The following HERC6 variants were observed in gnomAD, a reference collection of about 807,000 sequenced individuals.
HERC6 encodes the protein HECT and RLD domain containing E3 ubiquitin protein ligase family member 6.
In HERC6, 101 loss-of-function variants were observed where a neutral mutation model predicts 114.5. That is an observed-to-expected ratio of 0.88 (90% CI 0.75 to 1.04). The LOEUF is 1.04. HERC6 is among the 50% of genes least tolerant of loss of function. HERC6 has a pLI of 0.00. For synonymous variants in HERC6, 408 were observed against 436.2 expected, an observed-to-expected ratio of 0.94 and a Z score of 0.81; for missense variants, 1,133 against 1,230.9, an observed-to-expected ratio of 0.92 and a Z score of 1.19.
Position 88,390,653 on chromosome 4 carries a change from T to C in HERC6, c.438T>C (p.Asp146=). Residue 146 remains aspartate, a splice_region_variant and synonymous_variant, in exon 4 of 23, where the codon GAT becomes GAC. Coordinates refer to ENST00000264346, the MANE Select transcript of HERC6 (RefSeq NM_017912.4). ...GHYHSLALSK[D]SQVFSWGKNS... is the part of the protein sequence containing the mutation. ...CTTAATTTCTCGTCTTTGTTGTAGA[T>C]AGCCAAGTGTTTTCGTGGGGAAAGA... The C allele has an allele frequency of 1.3e-6, 2 of 1,597,238 alleles. No homozygotes were observed. The highest frequency in any genetic ancestry group is 1.7e-6 in the Non-Finnish European group (2 of 1,167,548).
At chr4:88,422,448 T>C (rs1389782059) in intron 13 of HERC6, among the ~76,000 whole-genome samples, 1 of 152,204 alleles carries the variant, frequency 6.6e-6, no homozygotes, top group Non-Finnish European at 1.5e-5. Flanking sequence ...TTAAGGAAAC[T>C]TCATTCTATT....
At chr4:88,385,423 C>A (rs1734521656) in intron 2 of HERC6, 76 bp from the exon 3 acceptor site, 2 of 705,106 alleles carry the variant, frequency 2.8e-6, no homozygotes, top group Non-Finnish European at 4.8e-6. Context: ...ATTTGAGATA[C>A]TTTTAAATAT....
intron 20 of HERC6, 144 bp downstream of exon 20, chr4:88,437,925 G>A: frequency 1.6e-6 from 1 of 623,662 alleles, no homozygotes; most frequent in Non-Finnish European, 2.8e-6. Flanking sequence ...GATCACTTGA[G>A]GTCAGGAGTT....
chr4:88,397,004 T>C lies in HERC6; in HGVS notation c.1024+17T>C. The stretch of plus-strand genomic sequence containing the variant: ...CTGCTGAAGGTGTGAATCCCACTAA[T>C]TCATGATTTTGTGTTCATCAATGCC... On this transcript the variant is annotated intron_variant, in intron 7 of 22. Coordinates refer to ENST00000264346, the MANE Select transcript of HERC6 (RefSeq NM_017912.4). The C allele has an allele frequency of 6.2e-7, 1 of 1,603,316 alleles. No homozygotes were observed. The highest frequency in any genetic ancestry group is 8.5e-7 in the Non-Finnish European group (1 of 1,173,684).
chr4:88,395,865 T>C, intron 5 of HERC6, 150 bp from the exon 6 acceptor site: 1 of 573,412 alleles, frequency 1.7e-6, no homozygotes, highest in South Asian at 3.7e-5. Flanking sequence ...CAACATACAC[T>C]ATTAGAAAAA....
At chr4:88,384,332 C>G (rs1734470642) in intron 2 of HERC6, among the ~76,000 whole-genome samples, 1 of 152,182 alleles carries the variant, frequency 6.6e-6, no homozygotes, top group South Asian at 2.1e-4. Flanking sequence ...AATTTGCAAG[C>G]CCCCAAATAT....
intron 2 of HERC6, among the ~76,000 whole-genome samples, chr4:88,384,467 C>A (rs1458737193): frequency 6.6e-6 from 1 of 152,088 alleles, no homozygotes; most frequent in East Asian, 1.9e-4. Flanking sequence ...CAAACAACTT[C>A]CCAGGACAGA....
In HERC6 at chr4:88,424,515, AAAAG is replaced by A. The variant is rs1371999883; in HGVS notation, c.1828-79_1828-76del. ...GAACCACAAAAACCAGATTCCAAAA[AAAAG>A]GCGATAAGGTAAAGGAAGTAAGTTT... On this transcript the variant is annotated intron_variant, in intron 14 of 22. Transcript: ENST00000264346. 3 of 1,061,198 alleles carry A rather than the reference AAAAG, an allele frequency of 2.8e-6. No homozygotes were observed. In the East Asian group the frequency reaches 7.4e-5, roughly 26 times the overall value. The allele number at this position is 1,061,198 out of a possible 1,614,324, so 65.7% of individuals were successfully genotyped here.
chr4:88,394,342 G>A (rs917356609), intron 5 of HERC6, among the ~76,000 whole-genome samples: 2 of 150,850 alleles, frequency 1.3e-5, no homozygotes, highest in East Asian at 2.0e-4. Flanking sequence ...GCATGGTTAC[G>A]GGCACCTGTA....
rs761073520 is a variant in HERC6, at chr4:88,404,994, A to G, written c.1211A>G (p.Lys404Arg). 1.2e-6 allele frequency: 2 copies of G among 1,613,102 alleles called. No homozygotes were observed. Among genetic ancestry groups the G allele is most frequent in the East Asian group, 4.5e-5 (2 of 44,822 alleles). Residue 404 changes from lysine (K) to arginine (R), a missense_variant, in exon 9 of 23, where the codon AAA becomes AGA. Around this residue, in one of 3 missense-constraint regions of HERC6, gnomAD observed 735 missense variants for 754.0 expected, o/e 0.97. Transcript: ENST00000264346. ...KRRSTEHEMA[K>R]SEIRMIFSSP... ...AGAAGTACTGAACATGAAATGGCTA[A>G]AAGGTGGCTCTGTCTGATAAATTAT...
chr4:88,393,287 A>G (rs1219617183), intron 4 of HERC6, among the ~76,000 whole-genome samples: 1 of 151,404 alleles, frequency 6.6e-6, no homozygotes, highest in African/African-American at 2.4e-5. Context: ...GAAAAGATAT[A>G]AAAGATACCC....
At chr4:88,414,064 G>A (rs570891841) in intron 12 of HERC6, among the ~76,000 whole-genome samples, 39 of 152,256 alleles carry the variant, frequency 2.6e-4, no homozygotes, top group Middle Eastern at 3.4e-3. Flanking sequence ...ATAAGGGAGT[G>A]TCAGAGAAAA....
At position 88,408,431 on chromosome 4, in the gene HERC6, C is replaced by T. The variant is rs554279260; in HGVS notation, c.1275-93C>T. On this transcript the variant is annotated intron_variant, in intron 10 of 22. Transcript: ENST00000264346. ...TAAGCTTTAAGAAAAAGGTTTGTAT[C>T]TTATATGTAATAAAGCAACAAATGA... The T allele has an allele frequency of 1.2e-5, 9 of 778,690 alleles. No individual in the cohort carries two copies. In the East Asian group the frequency reaches 2.1e-4, roughly 18 times the overall value. The allele number at this position is 778,690 out of a possible 1,614,324, so 48.2% of individuals were successfully genotyped here.
chr4:88,380,175 AAT>A (rs1477229779), intron 1 of HERC6, among the ~76,000 whole-genome samples: 3 of 14,874 alleles, frequency 2.0e-4, no homozygotes, highest in Non-Finnish European at 3.2e-4. Flanking sequence ...ATATATATAT[AAT>A]ATATAAATAT....
chr4:88,437,057 T>TC, intron 19 of HERC6, 86 bp downstream of exon 19: 1 of 1,020,612 alleles, frequency 9.8e-7, no homozygotes, highest in Non-Finnish European at 1.4e-6. Context: ...AAATTTGGGA[T>TC]CCCTTTTTTT....
chr4:88,401,260 C>T (rs576407483), intron 8 of HERC6, among the ~76,000 whole-genome samples: 9 of 151,838 alleles, frequency 5.9e-5, no homozygotes, highest in South Asian at 4.2e-4. Flanking sequence ...TTTGGGAGGC[C>T]GAGGCGGGTG....
At chr4:88,404,485 G>A (rs1433368360) in intron 8 of HERC6, among the ~76,000 whole-genome samples, 11 of 152,150 alleles carry the variant, frequency 7.2e-5, no homozygotes, top group African/African-American at 2.4e-4. Context: ...CACTGTGCCA[G>A]CCAGAATTTC....
chr4:88,381,878 A>G (rs1734343188), intron 1 of HERC6, among the ~76,000 whole-genome samples: 1 of 151,998 alleles, frequency 6.6e-6, no homozygotes, highest in Admixed American at 6.6e-5. Flanking sequence ...GGTGCCAGAG[A>G]TGGGAGCTTC....
chr4:88,401,905 C>A (rs965388946), intron 8 of HERC6, among the ~76,000 whole-genome samples: 2 of 152,126 alleles, frequency 1.3e-5, no homozygotes, highest in Non-Finnish European at 2.9e-5. Flanking sequence ...AGCTTTCTCC[C>A]GTGATGTTAG....
Sources: gnomAD v4.1 joint callset for allele counts (sites outside exome capture counted in the v4.1 genomes callset) on GRCh38, gnomAD v4.1.1 for gene constraint, gnomAD v4.1.1 regional missense constraint, MANE v1.5 for transcripts, NCBI Gene and HGNC (gene_info 2026-07-23, HGNC 2026-07-21) for gene names.